The following MED13L variants were observed in gnomAD, a reference collection of about 807,000 sequenced individuals.
MED13L encodes the protein mediator complex subunit 13L.
In MED13L, 7 loss-of-function variants were observed where a neutral mutation model predicts 220.9. That is an observed-to-expected ratio of 0.03 (90% CI 0.02 to 0.06). MED13L has a LOEUF of 0.06. MED13L is among the 10% of genes least tolerant of loss of function. The pLI is 1.00. For synonymous variants in MED13L, 1,011 were observed against 1,015.2 expected (o/e 1.00, Z 0.08); for missense variants, 1,965 against 2,760.5 (o/e 0.71, Z 6.46).
chr12:116,183,539 A>G (rs1222230530), intron 2 of MED13L, among the ~76,000 whole-genome samples: 1 of 152,184 alleles, frequency 6.6e-6, no homozygotes, highest in African/African-American at 2.4e-5. Flanking sequence ...AAAATCCTAA[A>G]CTGACAATTC....
Position 116,117,110 on chromosome 12 carries a change from T to A in MED13L, c.311-5598A>T, listed in dbSNP as rs75411076. Among the ~76,000 whole-genome samples the A allele has an allele frequency of 3.4e-4, 51 of 151,958 alleles. No homozygotes were observed. In the East Asian group the frequency reaches 9.5e-3, roughly 28 times the overall value. On this transcript the variant is annotated intron_variant, in intron 2 of 30. Transcript: ENST00000281928. ...AAATATCTATACAATGGGCTACTAC[T>A]CAGAAATAAAAAGGAACTTCCAATA...
chr12:116,131,264 C>T (rs1029964782), intron 2 of MED13L, among the ~76,000 whole-genome samples: 1 of 152,118 alleles, frequency 6.6e-6, no homozygotes, highest in Non-Finnish European at 1.5e-5. Flanking sequence ...GGAAATTATA[C>T]ACAAAATAAT....
intron 4 of MED13L, among the ~76,000 whole-genome samples, chr12:116,086,717 A>T (rs1477236894): frequency 6.6e-6 from 1 of 152,180 alleles, no homozygotes; most frequent in African/African-American, 2.4e-5. Flanking sequence ...TACGAACCAT[A>T]CTTAAAAGCT....
At chr12:115,967,191 A>AAAC (rs1306119301) in intron 28 of MED13L, among the ~76,000 whole-genome samples, 1 of 151,524 alleles carries the variant, frequency 6.6e-6, no homozygotes, top group East Asian at 1.9e-4. Context: ...AAAAAAAAAA[A>AAAC]AAAAACCTTC....
chr12:116,106,367 C>T (rs1012744885), intron 3 of MED13L, among the ~76,000 whole-genome samples: 3 of 152,052 alleles, frequency 2.0e-5, no homozygotes, highest in African/African-American at 7.2e-5. Flanking sequence ...AAGGCCATCA[C>T]ATGGAAGCAG....
chr12:116,101,107 T>C (rs1201506889), intron 3 of MED13L, among the ~76,000 whole-genome samples: 1 of 152,192 alleles, frequency 6.6e-6, no homozygotes, highest in African/African-American at 2.4e-5. Context: ...CAGAAATCTC[T>C]TTCTTCTCCC....
At chr12:116,005,062 AG>A (rs1878968446) in intron 13 of MED13L, among the ~76,000 whole-genome samples, 2 of 152,224 alleles carry the variant, frequency 1.3e-5, no homozygotes, top group South Asian at 4.1e-4. Flanking sequence ...CTCAATGACT[AG>A]CCTTAGTACC....
intron 4 of MED13L, among the ~76,000 whole-genome samples, chr12:116,045,340 C>G (rs1391791149): frequency 1.3e-5 from 2 of 152,154 alleles, no homozygotes; most frequent in Non-Finnish European, 2.9e-5. Context: ...ATGAAAGCCT[C>G]AGCACATCCA....
chr12:115,961,461 T>G, intron 30 of MED13L, 63 bp from the exon 31 acceptor site: 1 of 1,594,214 alleles, frequency 6.3e-7, no homozygotes, highest in Non-Finnish European at 8.6e-7. Flanking sequence ...GTTCTCAGAT[T>G]CTAATACATT....
At chr12:115,974,752 C>A (rs1876819760) in intron 25 of MED13L, among the ~76,000 whole-genome samples, 1 of 152,138 alleles carries the variant, frequency 6.6e-6, no homozygotes, top group Non-Finnish European at 1.5e-5. Context: ...ACCAAAAAAA[C>A]TAAAGAAACA....
rs753488932 is a variant in MED13L, at chr12:115,982,507, C to T, written c.5052G>A (p.Pro1684=). The T allele has an allele frequency of 2.9e-5, 46 of 1,613,988 alleles. No homozygotes were observed. The highest frequency in any genetic ancestry group is 7.7e-5 in the South Asian group (7 of 91,090). ...PPAVVIYMVD[P]FTYAAEEDST... is the part of the protein sequence containing the mutation. The stretch of plus-strand genomic sequence containing the variant: ...AGTCCTCCTCTGCAGCATACGTGAA[C>T]GGGTCCACCATGTAAATGACAACAG... Residue 1684 remains proline, a synonymous_variant, in exon 22 of 31, where the codon CCG becomes CCA. Transcript: ENST00000281928.
At position 116,078,141 on chromosome 12, in the gene MED13L, C is replaced by CAA. The variant is rs924705816; in HGVS notation, c.479+18526_479+18527dup. Among the ~76,000 whole-genome samples the CAA allele has an allele frequency of 4.1e-3, 241 of 58,640 alleles. 1 individual carries two copies. Among genetic ancestry groups the CAA allele is most frequent in the Admixed American group, 7.5e-3 (42 of 5,596 alleles). 38.5% of individuals were successfully genotyped at this position (58,640 alleles called of 152,430 possible). On this transcript the variant is annotated intron_variant, in intron 4 of 30. Transcript: ENST00000281928. ...TGGGCGACAGAGTAAGACTCTGTCT[C>CAA]AAAAAAAAAAAAAAAAAAAGGAAGG...
intron 2 of MED13L, among the ~76,000 whole-genome samples, chr12:116,139,720 T>C (rs1176650483): frequency 1.3e-5 from 2 of 152,064 alleles, no homozygotes; most frequent in African/African-American, 4.8e-5. Context: ...ATAGGCCGCG[T>C]GTGGTGGCTC....
chr12:115,995,713 G>A (rs527729624), intron 16 of MED13L, among the ~76,000 whole-genome samples: 17 of 152,224 alleles, frequency 1.1e-4, no homozygotes, highest in African/African-American at 3.1e-4. Context: ...TTGAGCCACC[G>A]CACCCGGCCC....
At chr12:115,988,159 A>AGAT (rs1877826569) in intron 17 of MED13L, among the ~76,000 whole-genome samples, 1 of 152,218 alleles carries the variant, frequency 6.6e-6, no homozygotes, top group African/African-American at 2.4e-5. Flanking sequence ...ATGGAAAGAA[A>AGAT]TCTAAGATTT....
intron 2 of MED13L, among the ~76,000 whole-genome samples, chr12:116,210,660 C>G (rs920920732): frequency 2.0e-5 from 3 of 149,574 alleles, no homozygotes; most frequent in Non-Finnish European, 4.4e-5. Flanking sequence ...CTGTACAGCA[C>G]CTAACATTAA....
At chr12:116,010,424 C>T (rs991771491) in intron 9 of MED13L, among the ~76,000 whole-genome samples, 2 of 152,096 alleles carry the variant, frequency 1.3e-5, no homozygotes, top group Admixed American at 6.5e-5. Context: ...CTTTGAGAGA[C>T]ACTTTATGAT....
chr12:116,132,279 CAAAAAAAA>C (rs1005783459), intron 2 of MED13L, among the ~76,000 whole-genome samples: 7 of 77,430 alleles, frequency 9.0e-5, no homozygotes, highest in South Asian at 4.1e-4. Flanking sequence ...TACTTCGTCT[CAAAAAAAA>C]AAAAAAAAAA....
At position 116,177,317 on chromosome 12, in the gene MED13L, A is replaced by C. The variant is rs1034182716; in HGVS notation, c.310+60151T>G. Among the ~76,000 whole-genome samples, 3 of 152,368 alleles carry C rather than the reference A, an allele frequency of 2.0e-5. No homozygotes were observed. In the East Asian group the frequency reaches 5.8e-4, roughly 29 times the overall value. On this transcript the variant is annotated intron_variant, in intron 2 of 30. Coordinates refer to ENST00000281928, the MANE Select transcript of MED13L (RefSeq NM_015335.5). ...GTCTAAACTTTATACAAAAGAAATC[A>C]GAATACCACTTGTAAAGAAGCAATC...
Sources: gnomAD v4.1 joint callset for allele counts (sites outside exome capture counted in the v4.1 genomes callset) on GRCh38, gnomAD v4.1.1 for gene constraint, MANE v1.5 for transcripts, NCBI Gene and HGNC (gene_info 2026-07-23, HGNC 2026-07-21) for gene names.